OTC: variants seen among roughly 807,000 people sequenced by gnomAD.
OTC encodes ornithine transcarbamylase.
In OTC, 3 loss-of-function variants were observed where a neutral mutation model predicts 30.3. That is an observed-to-expected ratio of 0.10 (90% CI 0.05 to 0.26). OTC has a LOEUF of 0.26. Ranked by LOEUF, OTC falls within the 10% of genes least tolerant of loss-of-function variation. The pLI, the probability that OTC is intolerant of heterozygous loss-of-function variation, is 1.00. For synonymous variants in OTC, 111 were observed against 99.7 expected (o/e 1.11, Z -0.67); for missense variants, 194 against 260.3 (o/e 0.75, Z 1.75).
At chrX:38,384,806 G>GA (rs200828210) in intron 4 of OTC, among the ~76,000 whole-genome samples, 3,401 of 108,179 alleles carry the variant, frequency 0.031, 57 homozygotes, top group Non-Finnish European at 0.051. Context: ...GCAACCAAAA[G>GA]AAAAAAAAAG....
chrX:38,372,975 TATCTC>T (rs1478443585), intron 3 of OTC, among the ~76,000 whole-genome samples: 7 of 112,319 alleles, frequency 6.2e-5, no homozygotes, highest in African/African-American at 2.3e-4. Context: ...CATTCCTACT[TATCTC>T]AGGAGACAGA....
intron 5 of OTC, among the ~76,000 whole-genome samples, 176 bp downstream of exon 5, chrX:38,401,604 G>A (rs972241966): frequency 1.8e-5 from 2 of 112,177 alleles, no homozygotes; most frequent in African/African-American, 6.5e-5. Context: ...GTTAAAAACA[G>A]ACTCTAAGAT....
intron 2 of OTC, among the ~76,000 whole-genome samples, chrX:38,369,351 C>T (rs2068312174): frequency 1.0e-5 from 1 of 96,119 alleles, no homozygotes; most frequent in Non-Finnish European, 2.1e-5. Flanking sequence ...ATTTTAAATT[C>T]ACTTTTTTTT....
intron 6 of OTC, among the ~76,000 whole-genome samples, chrX:38,407,412 C>A (rs1253096306): frequency 8.9e-6 from 1 of 112,066 alleles, no homozygotes; most frequent in Admixed American, 9.4e-5. Context: ...ATCTCGGGAG[C>A]ATACCACAGC....
chrX:38,327,817 G>A, the OTC span, among the ~76,000 whole-genome samples: 2 of 113,085 alleles, frequency 1.8e-5, no homozygotes, highest in African/African-American at 3.2e-5. Context: ...ACATAAGCAA[G>A]CATCGACACA....
intron 4 of OTC, among the ~76,000 whole-genome samples, chrX:38,400,259 T>A (rs1358078839): frequency 9.0e-6 from 1 of 111,244 alleles, no homozygotes; most frequent in African/African-American, 3.3e-5. Flanking sequence ...GCATGATAAA[T>A]CCATTAAAAA....
intron 1 of OTC, among the ~76,000 whole-genome samples, chrX:38,356,922 G>GT (rs748400357): frequency 9.0e-6 from 1 of 111,604 alleles, no homozygotes; most frequent in Non-Finnish European, 1.9e-5. Flanking sequence ...ACATTTGTGA[G>GT]TTTTTTTCAC....
In OTC at chrX:38,405,633, C is replaced by T. The variant is rs745356046; in HGVS notation, c.663+1893C>T. Among the ~76,000 whole-genome samples the T allele has an allele frequency of 2.7e-5, 3 of 111,761 alleles. No individual in the cohort carries two copies. In the East Asian group the frequency reaches 8.4e-4, roughly 31 times the overall value. On this transcript the variant is annotated intron_variant, in intron 6 of 9. Coordinates refer to ENST00000039007, the MANE Select transcript of OTC (RefSeq NM_000531.6). ...TTGAAGAACACTATTCAACCAAGTA[C>T]ACCTGCCATAGAAAAAATGTACTGC...
intron 4 of OTC, among the ~76,000 whole-genome samples, chrX:38,396,516 G>A (rs896731222): frequency 9.0e-6 from 1 of 111,181 alleles, no homozygotes; most frequent in Non-Finnish European, 1.9e-5. Flanking sequence ...GCTCACGCCT[G>A]TAATCCCAGC....
At chrX:38,343,335 T>A in the OTC span, among the ~76,000 whole-genome samples, 1 of 111,866 alleles carries the variant, frequency 8.9e-6, no homozygotes, top group Non-Finnish European at 1.9e-5. Flanking sequence ...CCTGATAGCT[T>A]TCAGTCTGCT....
At chrX:38,342,000 C>T in the OTC span, among the ~76,000 whole-genome samples, 231 of 57,012 alleles carry the variant, frequency 4.1e-3, 1 homozygote, top group African/African-American at 0.013. Context: ...TTATTATTTT[C>T]TTAAATTTCA....
the OTC span, among the ~76,000 whole-genome samples, chrX:38,339,830 G>C: frequency 6.3e-5 from 7 of 111,264 alleles, no homozygotes; most frequent in African/African-American, 2.3e-4. Context: ...GATATTCTAG[G>C]AGACCTTAGG....
At chrX:38,329,995 A>G in the OTC span, among the ~76,000 whole-genome samples, 1 of 112,316 alleles carries the variant, frequency 8.9e-6, no homozygotes, top group Admixed American at 9.4e-5. Flanking sequence ...ATTGCTTTAC[A>G]TGGCAAAAGG....
the OTC span, among the ~76,000 whole-genome samples, chrX:38,328,017 C>A: frequency 1.8e-5 from 2 of 112,308 alleles, no homozygotes; most frequent in Middle Eastern, 4.2e-3. Flanking sequence ...AGCATGTGGG[C>A]AGCTAGTCCA....
intron 4 of OTC, among the ~76,000 whole-genome samples, chrX:38,392,898 A>G (rs919048201): frequency 1.8e-5 from 2 of 112,413 alleles, no homozygotes; most frequent in African/African-American, 6.5e-5. Context: ...TTTACAGTCC[A>G]ATTTCATAAC....
chrX:38,353,713 T>C (rs758275138), intron 1 of OTC, among the ~76,000 whole-genome samples: 3 of 111,323 alleles, frequency 2.7e-5, no homozygotes, highest in Non-Finnish European at 3.8e-5. Context: ...TATAAGGCTC[T>C]CAGAAGTCAG....
intron 6 of OTC, 49 bp downstream of exon 6, chrX:38,403,789 C>G: frequency 8.5e-7 from 1 of 1,170,398 alleles, no homozygotes; most frequent in East Asian, 3.0e-5. Context: ...AAATCATCCT[C>G]AGATGCAATT....
At chrX:38,376,900 A>G (rs771361394) in intron 3 of OTC, among the ~76,000 whole-genome samples, 1 of 112,378 alleles carries the variant, frequency 8.9e-6, no homozygotes, top group East Asian at 2.8e-4. Context: ...GAGGACTTCA[A>G]CGCTCCACCT....
intron 3 of OTC, among the ~76,000 whole-genome samples, chrX:38,378,071 G>T (rs1396143750): frequency 1.9e-5 from 2 of 107,101 alleles, no homozygotes; most frequent in African/African-American, 6.8e-5. Context: ...CCTGACCTCA[G>T]GTGATCCGCC....
Sources: allele counts gnomAD v4.1 joint callset (sites outside exome capture counted in the v4.1 genomes callset), GRCh38; gene constraint gnomAD v4.1.1; transcripts MANE v1.5; gene names NCBI Gene and HGNC (gene_info 2026-07-23, HGNC 2026-07-21).